ALDH1A2: variants seen among roughly 807,000 people sequenced by gnomAD.
The protein encoded by ALDH1A2 is retinal dehydrogenase 2.
In ALDH1A2, 27 loss-of-function variants were observed where a neutral mutation model predicts 60.3. That is an observed-to-expected ratio of 0.45 (90% CI 0.33 to 0.62). ALDH1A2 has a LOEUF of 0.62. Ranked by LOEUF, ALDH1A2 falls within the 20% of genes least tolerant of loss-of-function variation. The pLI is 0.02. For missense variants in ALDH1A2, 581 were observed against 643.8 expected (o/e 0.90, Z 1.06); for synonymous variants, 289 against 232.4 (o/e 1.24, Z -2.21).
chr15:58,040,443 C>A (rs893375190), intron 1 of ALDH1A2, among the ~76,000 whole-genome samples: 1 of 151,936 alleles, frequency 6.6e-6, no homozygotes, highest in Non-Finnish European at 1.5e-5. Context: ...AATTCAGATA[C>A]AACGAACGTT....
rs35535293 is a variant in ALDH1A2 at position 57,970,427 on chromosome 15, T to C, written c.799-4600A>G. ...ACTCTGACTCCCATCCTCGTTTGAA[T>C]AGGCCTCAAGATTGATATCAGGAGT... On this transcript the variant is annotated intron_variant, in intron 7 of 12. Coordinates refer to ENST00000249750, the MANE Select transcript of ALDH1A2 (RefSeq NM_003888.4). Among the ~76,000 whole-genome samples, 35 of 152,304 alleles carry C rather than the reference T, an allele frequency of 2.3e-4. No homozygotes were observed. The East Asian group carries it at 5.0e-3, about 22-fold the overall frequency.
At chr15:58,020,166 T>C (rs1043296276) in intron 1 of ALDH1A2, among the ~76,000 whole-genome samples, 2 of 152,242 alleles carry the variant, frequency 1.3e-5, no homozygotes, top group African/African-American at 4.8e-5. Context: ...TCTCATTCCT[T>C]TGTATGGCTG....
At chr15:58,015,615 G>A (rs1228896298) in intron 1 of ALDH1A2, among the ~76,000 whole-genome samples, 2 of 152,176 alleles carry the variant, frequency 1.3e-5, no homozygotes, top group Non-Finnish European at 2.9e-5. Context: ...GGTTAAGAGA[G>A]TTCCAGCCCT....
chr15:57,996,578 T>C (rs1430107102), intron 4 of ALDH1A2, among the ~76,000 whole-genome samples: 2 of 151,470 alleles, frequency 1.3e-5, no homozygotes, highest in Non-Finnish European at 3.0e-5. Flanking sequence ...CAATAAACAA[T>C]GTTACTACTG....
chr15:57,976,437 C>T (rs891347420), intron 7 of ALDH1A2, among the ~76,000 whole-genome samples: 2 of 152,146 alleles, frequency 1.3e-5, no homozygotes, highest in African/African-American at 4.8e-5. Flanking sequence ...GCCCGACAGG[C>T]CCCGGTGTGT....
At chr15:58,021,673 C>G (rs1387798461) in intron 1 of ALDH1A2, among the ~76,000 whole-genome samples, 1 of 152,250 alleles carries the variant, frequency 6.6e-6, no homozygotes, top group Admixed American at 6.5e-5. Flanking sequence ...TAGCCTTTGA[C>G]AAACGTCGTG....
chr15:58,050,074 C>A (rs1382240711), intron 1 of ALDH1A2, among the ~76,000 whole-genome samples: 1 of 151,880 alleles, frequency 6.6e-6, no homozygotes, highest in African/African-American at 2.4e-5. Context: ...AAGCACCCAG[C>A]TTATCTCAAT....
intron 3 of ALDH1A2, chr15:58,012,058 C>T (rs926888119): frequency 3.3e-5 from 5 of 152,132 alleles, no homozygotes; most frequent in Non-Finnish European, 5.9e-5. Flanking sequence ...CCCCTTTCTT[C>T]CACAGGCTAC....
intron 4 of ALDH1A2, among the ~76,000 whole-genome samples, chr15:57,997,052 T>C (rs1246617563): frequency 1.3e-5 from 2 of 152,082 alleles, no homozygotes; most frequent in African/African-American, 2.4e-5. Context: ...CTTTGTTTTA[T>C]GTATATTTTA....
At chr15:58,014,107 CAT>C (rs1895719627) in intron 2 of ALDH1A2, 68 bp downstream of exon 2, 7 of 1,613,966 alleles carry the variant, frequency 4.3e-6, no homozygotes, top group East Asian at 2.2e-5. Flanking sequence ...GTACTGAGAG[CAT>C]ATGTTTGCTG....
intron 1 of ALDH1A2, among the ~76,000 whole-genome samples, chr15:58,024,500 T>G (rs1595674038): frequency 6.6e-6 from 1 of 152,204 alleles, no homozygotes; most frequent in Non-Finnish European, 1.5e-5. Context: ...AGGGAATCAA[T>G]TCAACAAGAG....
At chr15:58,046,245 T>C (rs557694652) in intron 1 of ALDH1A2, among the ~76,000 whole-genome samples, 1 of 152,038 alleles carries the variant, frequency 6.6e-6, no homozygotes, top group East Asian at 1.9e-4. Context: ...ATCATAAAGT[T>C]TGGCTTTTTG....
chr15:58,053,228 T>C (rs1896818900), intron 1 of ALDH1A2, among the ~76,000 whole-genome samples: 1 of 152,174 alleles, frequency 6.6e-6, no homozygotes, highest in Admixed American at 6.5e-5. Flanking sequence ...ACATTTAAAA[T>C]GCTTCTTCTA....
At chr15:57,962,402 T>C (rs1222056109) in intron 9 of ALDH1A2, among the ~76,000 whole-genome samples, 4 of 152,226 alleles carry the variant, frequency 2.6e-5, no homozygotes, top group African/African-American at 4.8e-5. Context: ...ACTGCTCTGA[T>C]GATATTGCCT....
rs576230790 is a variant in ALDH1A2, at chr15:57,992,676, C to T, written c.798+29G>A. On this transcript the variant is annotated intron_variant, in intron 7 of 12. Coordinates refer to ENST00000249750, the MANE Select transcript of ALDH1A2 (RefSeq NM_003888.4). ...CCCTCAACTCATTTGCAAGACTGTTCCTCAAGCCCTGGTTTTTCAGATACC... is the reference window on the plus strand; with the variant it reads ...CCCTCAACTCATTTGCAAGACTGTTTCTCAAGCCCTGGTTTTTCAGATACC... The T allele has an allele frequency of 3.1e-6, 5 of 1,599,500 alleles. No individual in the cohort carries two copies. The South Asian group carries it at 5.5e-5, about 18-fold the overall frequency.
chr15:57,992,908 G>A (rs760423034), intron 6 of ALDH1A2, 37 bp downstream of exon 6: 1 of 1,614,036 alleles, frequency 6.2e-7, no homozygotes, highest in Admixed American at 1.7e-5. Flanking sequence ...CAGCTGTAAG[G>A]GGAGTCAGAA....
intron 1 of ALDH1A2, among the ~76,000 whole-genome samples, chr15:58,043,422 A>G (rs949582399): frequency 1.3e-5 from 2 of 152,018 alleles, no homozygotes; most frequent in Non-Finnish European, 2.9e-5. Context: ...GGCGCTCAAT[A>G]AGAAAGTGTA....
intron 1 of ALDH1A2, among the ~76,000 whole-genome samples, chr15:58,015,606 G>A (rs967760828): frequency 1.1e-4 from 16 of 152,130 alleles, no homozygotes; most frequent in Non-Finnish European, 1.5e-4. Context: ...AATAAAGATG[G>A]TTAAGAGAGT....
intron 1 of ALDH1A2, among the ~76,000 whole-genome samples, chr15:58,060,756 T>G (rs1882318064): frequency 6.6e-6 from 1 of 152,156 alleles, no homozygotes; most frequent in Admixed American, 6.5e-5. Flanking sequence ...ACAATAAAAC[T>G]TTATTTATAA....
Sources: gnomAD v4.1 joint callset for allele counts (sites outside exome capture counted in the v4.1 genomes callset) on GRCh38, gnomAD v4.1.1 for gene constraint, MANE v1.5 for transcripts, NCBI Gene and HGNC (gene_info 2026-07-23, HGNC 2026-07-21) for gene names.